SH2D4B: variants seen among roughly 807,000 people sequenced by gnomAD.
SH2D4B encodes the protein SH2 domain containing 4B.
Under a neutral mutation model 61.5 loss-of-function variants are expected in SH2D4B, and 45 were observed. The observed-to-expected ratio is 0.73, with a 90% CI of 0.58 to 0.94. The LOEUF (loss-of-function observed/expected upper bound fraction) is 0.94. SH2D4B is among the 40% of genes least tolerant of loss of function. SH2D4B has a pLI of 0.00. For synonymous variants in SH2D4B, 224 were observed against 220.4 expected (o/e 1.02, Z -0.14); for missense variants, 572 against 574.2 (o/e 1.00, Z 0.04).
At chr10:80,632,754 C>T (rs1271061664) in intron 6 of SH2D4B, among the ~76,000 whole-genome samples, 1 of 152,098 alleles carries the variant, frequency 6.6e-6, no homozygotes, top group Non-Finnish European at 1.5e-5. Context: ...TTGTCTGTCC[C>T]TACTTTTTTG....
At chr10:80,589,906 A>G (rs1230374781) in intron 4 of SH2D4B, among the ~76,000 whole-genome samples, 1 of 152,186 alleles carries the variant, frequency 6.6e-6, no homozygotes, top group Non-Finnish European at 1.5e-5. Flanking sequence ...GCAAGAAGCT[A>G]GGTGGGGAAG....
At chr10:80,627,571 C>T (rs1842778536) in intron 6 of SH2D4B, among the ~76,000 whole-genome samples, 1 of 151,804 alleles carries the variant, frequency 6.6e-6, no homozygotes, top group South Asian at 2.1e-4. Flanking sequence ...TTAGGTGCAG[C>T]CACAGTGCCT....
intron 6 of SH2D4B, among the ~76,000 whole-genome samples, chr10:80,616,049 C>G (rs766877501): frequency 6.6e-6 from 1 of 151,936 alleles, no homozygotes; most frequent in Non-Finnish European, 1.5e-5. Flanking sequence ...TGCTATCACT[C>G]AGAAATAAAG....
intron 5 of SH2D4B, among the ~76,000 whole-genome samples, chr10:80,605,939 T>G (rs1180604684): frequency 6.6e-6 from 1 of 152,238 alleles, no homozygotes; most frequent in Non-Finnish European, 1.5e-5. Context: ...TGGACCATGG[T>G]GCAACCTGGC....
At chr10:80,631,331 CT>C (rs1842831662) in intron 6 of SH2D4B, among the ~76,000 whole-genome samples, 1 of 152,204 alleles carries the variant, frequency 6.6e-6, no homozygotes, top group Non-Finnish European at 1.5e-5. Context: ...TCACTGCAGC[CT>C]TGAATTCCTG....
At chr10:80,603,440 G>A (rs1842474970) in intron 4 of SH2D4B, 139 bp from the exon 5 acceptor site, 3 of 735,114 alleles carry the variant, frequency 4.1e-6, no homozygotes, top group Non-Finnish European at 6.5e-6. Flanking sequence ...GGACTATTAG[G>A]TTGGTGCAAA....
intron 3 of SH2D4B, among the ~76,000 whole-genome samples, chr10:80,583,227 A>G (rs1267410446): frequency 2.6e-5 from 4 of 152,202 alleles, no homozygotes; most frequent in African/African-American, 9.6e-5. Context: ...GCATTCATAA[A>G]ACAAGTGCAA....
In SH2D4B at chr10:80,603,755, C is replaced by T. The variant is rs765614091; in HGVS notation, c.820C>T (p.Pro274Ser). The T allele has an allele frequency of 6.2e-7, 1 of 1,612,870 alleles. No individual in the cohort carries two copies. Among genetic ancestry groups the T allele is most frequent in the Admixed American group, 1.7e-5 (1 of 60,010 alleles). ...EQEARLYHHL[P>S]DPGLPQPLAL... ...GGAGGCAAGACTCTACCACCACCTC[C>T]CCGACCCGGGTCTGCCGCAGCCCCT... The change falls in exon 5 of 8, where the codon CCC becomes TCC. Residue 274 changes from proline to serine, a missense_variant. By Grantham distance (74) the Pro-to-Ser change is moderately conservative. Transcript: ENST00000646907.
intron 1 of SH2D4B, among the ~76,000 whole-genome samples, chr10:80,556,136 CT>C (rs58999823): frequency 0.054 from 7,830 of 144,590 alleles, 623 homozygotes; most frequent in African/African-American, 0.18. Context: ...GAGTCAAGTT[CT>C]TTTTTTTTTT....
chr10:80,587,806 A>C (rs2176106), intron 3 of SH2D4B, among the ~76,000 whole-genome samples: 17,745 of 152,082 alleles, frequency 0.12, 1,192 homozygotes, highest in East Asian at 0.25. Flanking sequence ...ATGAGTACCC[A>C]GTGTTTAGCT....
intron 1 of SH2D4B, among the ~76,000 whole-genome samples, chr10:80,545,543 T>TTTTC: frequency 7.9e-5 from 12 of 152,108 alleles, no homozygotes; most frequent in African/African-American, 2.7e-4. Flanking sequence ...TCTTCTCCGC[T>TTTTC]TTCTTCTACT....
chr10:80,556,117 G>A (rs1841834063), intron 1 of SH2D4B, among the ~76,000 whole-genome samples: 1 of 151,254 alleles, frequency 6.6e-6, no homozygotes. Context: ...TATATATGGT[G>A]CAAATTAAGA....
chr10:80,586,913 C>T (rs188843933), intron 3 of SH2D4B, among the ~76,000 whole-genome samples: 20 of 151,622 alleles, frequency 1.3e-4, no homozygotes, highest in South Asian at 8.3e-4. Context: ...AGACGCACTG[C>T]CTTAAGAGCT....
chr10:80,540,731 G>A, intron 1 of SH2D4B: 1 of 1,183,042 alleles, frequency 8.5e-7, no homozygotes, highest in Non-Finnish European at 1.2e-6. Context: ...TGATTTCAGT[G>A]AATGGGGCAG....
intron 6 of SH2D4B, among the ~76,000 whole-genome samples, chr10:80,613,554 T>C (rs1331334602): frequency 6.6e-6 from 1 of 152,236 alleles, no homozygotes; most frequent in Non-Finnish European, 1.5e-5. Context: ...TGGTAAATTA[T>C]CTCCATGTGA....
At chr10:80,624,508 T>G (rs1842750583) in intron 6 of SH2D4B, among the ~76,000 whole-genome samples, 1 of 152,244 alleles carries the variant, frequency 6.6e-6, no homozygotes, top group Admixed American at 6.5e-5. Flanking sequence ...TAGAGGGAGT[T>G]TCTAGAATGT....
intron 4 of SH2D4B, among the ~76,000 whole-genome samples, chr10:80,592,689 T>A (rs959205382): frequency 1.3e-5 from 2 of 151,910 alleles, no homozygotes; most frequent in Admixed American, 1.3e-4. Context: ...AAAATATGTC[T>A]GTTTCTGTAC....
At chr10:80,615,882 G>C (rs1842653912) in intron 6 of SH2D4B, among the ~76,000 whole-genome samples, 1 of 152,128 alleles carries the variant, frequency 6.6e-6, no homozygotes, top group Admixed American at 6.5e-5. Flanking sequence ...AGTGTTGTGA[G>C]GATTAAATGT....
intron 4 of SH2D4B, among the ~76,000 whole-genome samples, chr10:80,594,517 T>C (rs1431751440): frequency 6.6e-6 from 1 of 152,228 alleles, no homozygotes; most frequent in Non-Finnish European, 1.5e-5. Context: ...TTGGAAAGTG[T>C]TCATTCCTCT....
Sources: allele counts gnomAD v4.1 joint callset (sites outside exome capture counted in the v4.1 genomes callset), GRCh38; gene constraint gnomAD v4.1.1; transcripts MANE v1.5; gene names NCBI Gene and HGNC (gene_info 2026-07-23, HGNC 2026-07-21).